The following NFATC1 variants were observed in gnomAD, a reference collection of about 807,000 sequenced individuals.
NFATC1 encodes nuclear factor of activated T cells 1.
A neutral mutation model predicts 76.0 loss-of-function variants in NFATC1; 22 were observed. That is an observed-to-expected ratio of 0.29 (90% CI 0.21 to 0.41). NFATC1 has a LOEUF of 0.41. NFATC1 is among the 10% of genes least tolerant of loss of function. NFATC1 has a pLI of 1.00. For synonymous variants in NFATC1, 704 were observed against 613.1 expected (o/e 1.15, Z -2.19); for missense variants, 1,357 against 1,337.7 (o/e 1.01, Z -0.23).
At chr18:79,403,877 G>T (rs1255665906) in intron 1 of NFATC1, among the ~76,000 whole-genome samples, 1 of 152,356 alleles carries the variant, frequency 6.6e-6, no homozygotes, top group Non-Finnish European at 1.5e-5. Flanking sequence ...TGGCAGAGAC[G>T]CCTGGTGAGC....
intron 7 of NFATC1, among the ~76,000 whole-genome samples, chr18:79,461,616 T>C (rs755649989): frequency 6.6e-6 from 1 of 152,294 alleles, no homozygotes; most frequent in Non-Finnish European, 1.5e-5. Context: ...CCGGGGACGG[T>C]GCTGGACAGG....
intron 9 of NFATC1, among the ~76,000 whole-genome samples, chr18:79,488,477 G>C (rs1401396645): frequency 6.6e-6 from 1 of 151,520 alleles, no homozygotes; most frequent in Non-Finnish European, 1.5e-5. Context: ...GCTGCCCCCT[G>C]GCCACTCTCT....
intron 9 of NFATC1, among the ~76,000 whole-genome samples, chr18:79,516,620 G>A (rs987750971): frequency 6.6e-6 from 1 of 152,164 alleles, no homozygotes; most frequent in African/African-American, 2.4e-5. Flanking sequence ...TCATGTAGGA[G>A]GTTATGGAAA....
chr18:79,467,524 C>T lies in NFATC1; in HGVS notation c.2034C>T (p.Val678=). The part of the protein sequence containing the change: ...ITSPVHVSFY[V]CNGKRKRSQY... ...GCCCCGTTCACGTCAGTTTCTACGTCTGCAACGGGAAGAGAAAGCGAAGCC... is the reference window on the plus strand; with the variant it reads ...GCCCCGTTCACGTCAGTTTCTACGTTTGCAACGGGAAGAGAAAGCGAAGCC... Residue 678 remains valine, a synonymous_variant, in exon 8 of 10, where the codon GTC becomes GTT. Coordinates refer to ENST00000427363, the MANE Select transcript of NFATC1 (RefSeq NM_001278669.2). The T allele has an allele frequency of 1.2e-6, 2 of 1,614,022 alleles. No homozygotes were observed. The highest frequency in any genetic ancestry group is 1.7e-6 in the Non-Finnish European group (2 of 1,179,960).
intron 1 of NFATC1, among the ~76,000 whole-genome samples, chr18:79,404,522 C>G (rs1324555557): frequency 6.6e-6 from 1 of 152,258 alleles, no homozygotes; most frequent in Admixed American, 6.5e-5. Flanking sequence ...CAGTTGTCAT[C>G]TGGCCTCACC....
chr18:79,449,077 A>G, intron 4 of NFATC1, 93 bp downstream of exon 4: 8 of 1,270,222 alleles, frequency 6.3e-6, no homozygotes, highest in South Asian at 1.4e-5. Context: ...AGCCCCCCGC[A>G]CTTCCAGGCT....
intron 2 of NFATC1, among the ~76,000 whole-genome samples, chr18:79,429,368 C>CA (rs1555904171): frequency 6.7e-6 from 1 of 149,616 alleles, no homozygotes; most frequent in Non-Finnish European, 1.5e-5. Context: ...TTCACCCGAG[C>CA]TTTTTTTTTT....
intron 6 of NFATC1, among the ~76,000 whole-genome samples, chr18:79,460,075 T>C (rs1373666683): frequency 6.6e-6 from 1 of 152,212 alleles, no homozygotes; most frequent in Non-Finnish European, 1.5e-5. Flanking sequence ...TGGGTTCATC[T>C]GGTGGGTAAT....
chr18:79,522,431 G>A (rs1297418126), intron 9 of NFATC1, among the ~76,000 whole-genome samples: 2 of 105,604 alleles, frequency 1.9e-5, no homozygotes, highest in African/African-American at 7.8e-5. Flanking sequence ...CTGCTGGTGT[G>A]TGTGTTTTGT....
chr18:79,507,922 C>A lies in NFATC1; in HGVS notation c.2783-19606C>A, dbSNP rs577141558. Among the ~76,000 whole-genome samples, 12 of 152,382 alleles carry A rather than the reference C, an allele frequency of 7.9e-5. No individual in the cohort carries two copies. In the East Asian group the frequency reaches 2.3e-3, roughly 29 times the overall value. ...GCTGGGGGCCGTCGCTCTGGCCGGG[C>A]TCCCCGCAGCCGCAGTCGCCGCGTC... On this transcript the variant is annotated intron_variant, in intron 9 of 9. Coordinates refer to ENST00000427363, the MANE Select transcript of NFATC1 (RefSeq NM_001278669.2).
chr18:79,478,778 C>T (rs2145010113), intron 8 of NFATC1, among the ~76,000 whole-genome samples: 1 of 152,304 alleles, frequency 6.6e-6, no homozygotes, highest in South Asian at 2.1e-4. Flanking sequence ...CAGGACTCAG[C>T]TCCCAACGTC....
Position 79,410,610 on chromosome 18 carries a change from C to G in NFATC1, c.335C>G (p.Ala112Gly). The change falls in exon 2 of 10, where the codon GCC (alanine) becomes GGC (glycine). Residue 112 changes from alanine (A) to glycine (G), a missense_variant. Physicochemically the swap from Ala to Gly is moderately conservative, Grantham distance 60. Around this residue, in one of 3 missense-constraint regions of NFATC1, gnomAD observed 691 missense variants for 613.1 expected, o/e 1.13. Coordinates refer to ENST00000427363, the MANE Select transcript of NFATC1 (RefSeq NM_001278669.2). This position sits in a 1 kb window ranked among gnomAD's most constrained non-coding sequence, Gnocchi z 6.7. ...LSSGHTRPDG[A>G]PALESPRIEI... Reference sequence around the variant, plus strand: ...TCCGGCCACACCAGGCCTGATGGGGCCCCTGCCCTGGAGAGTCCTCGCATC... The same window carrying G: ...TCCGGCCACACCAGGCCTGATGGGGGCCCTGCCCTGGAGAGTCCTCGCATC... The G allele has an allele frequency of 1.9e-6, 3 of 1,612,874 alleles. No homozygotes were observed. The highest frequency in any genetic ancestry group is 2.5e-6 in the Non-Finnish European group (3 of 1,180,000).
intron 8 of NFATC1, among the ~76,000 whole-genome samples, chr18:79,476,970 A>G (rs2089099421): frequency 6.6e-6 from 1 of 152,232 alleles, no homozygotes; most frequent in Non-Finnish European, 1.5e-5. Flanking sequence ...AGGCGGATGG[A>G]GTTCGGAAGG....
chr18:79,434,771 A>G (rs373695416), intron 3 of NFATC1, among the ~76,000 whole-genome samples: 5 of 152,230 alleles, frequency 3.3e-5, no homozygotes, highest in African/African-American at 9.7e-5. Context: ...CGCAGGGACA[A>G]ATGGCTGTTT....
chr18:79,469,832 G>A (rs2088702184), intron 8 of NFATC1: 1 of 985,086 alleles, frequency 1.0e-6, no homozygotes, highest in Non-Finnish European at 1.2e-6. Flanking sequence ...GCCCCCAGGG[G>A]CTCCCCGGCT....
In NFATC1 at chr18:79,411,517, G is replaced by T. The variant is rs766116077; in HGVS notation, c.1226+16G>T. ...CCTACATGAGGTGAGCCGGCAGCGC[G>T]GGGCGGGACGGGGAGGCGAGGGGAG... On this transcript the variant is annotated intron_variant, in intron 2 of 9. Transcript: ENST00000427363. 19 of 1,441,852 alleles carry T rather than the reference G, an allele frequency of 1.3e-5. No homozygotes were observed. The South Asian group carries it at 3.0e-4, about 23-fold the overall frequency. 89.3% of individuals were successfully genotyped at this position (1,441,852 alleles called of 1,614,324 possible). A position where few individuals can be genotyped will look rare whatever the true frequency, so the allele number is the denominator to read the frequency against.
intron 2 of NFATC1, among the ~76,000 whole-genome samples, chr18:79,414,610 T>TA (rs1442297912): frequency 6.6e-6 from 1 of 152,192 alleles, no homozygotes; most frequent in Non-Finnish European, 1.5e-5. Flanking sequence ...TTGATAGTTT[T>TA]AGAGTTTGGA....
intron 8 of NFATC1, among the ~76,000 whole-genome samples, chr18:79,474,502 G>A (rs1244486460): frequency 4.0e-5 from 6 of 148,990 alleles, no homozygotes; most frequent in African/African-American, 5.0e-5. Context: ...ACTCACTGTC[G>A]ACGTTGCAAG....
At chr18:79,514,510 G>A (rs938966141) in intron 9 of NFATC1, among the ~76,000 whole-genome samples, 1 of 137,542 alleles carries the variant, frequency 7.3e-6, no homozygotes, top group African/African-American at 2.7e-5. Context: ...AGGCTGCAGT[G>A]AGCTGTGATC....
Sources: gnomAD v4.1 joint callset for allele counts (sites outside exome capture counted in the v4.1 genomes callset) on GRCh38, gnomAD v4.1.1 for gene constraint, gnomAD v4.1.1 regional missense constraint, Gnocchi (gnomAD v3.1) non-coding constraint, MANE v1.5 for transcripts, NCBI Gene and HGNC (gene_info 2026-07-23, HGNC 2026-07-21) for gene names.